Variants in DAB1 observed in about 807,000 individuals in gnomAD.
The protein encoded by DAB1 is DAB adaptor protein 1.
Under a neutral mutation model 64.6 loss-of-function variants are expected in DAB1, and 15 were observed. The ratio of observed to expected loss-of-function variants is 0.23; its 90% confidence interval spans 0.16 to 0.36. DAB1 has a LOEUF of 0.36. Among genes scored for constraint, DAB1 ranks in the 10% least tolerant of loss-of-function variants. DAB1 has a pLI of 1.00. For synonymous variants in DAB1, 235 were observed against 251.9 expected, an observed-to-expected ratio of 0.93 and a Z score of 0.64; for missense variants, 596 against 706.7, an observed-to-expected ratio of 0.84 and a Z score of 1.78.
At chr1:57,648,313 C>T (rs1414712731) in intron 7 of DAB1, among the ~76,000 whole-genome samples, 6 of 152,094 alleles carry the variant, frequency 3.9e-5, no homozygotes, top group Non-Finnish European at 8.8e-5. Context: ...CGAGTGTCCC[C>T]CGACCCCAAC....
At chr1:58,299,738 T>A (rs535504727) in intron 4 of DAB1, among the ~76,000 whole-genome samples, 1 of 152,174 alleles carries the variant, frequency 6.6e-6, no homozygotes, top group African/African-American at 2.4e-5. Context: ...AAGAGACGAA[T>A]GAGCAGAATT....
upstream of DAB1, among the ~76,000 whole-genome samples, chr1:57,888,745 CAGAT>C (rs1485148940): frequency 6.6e-6 from 1 of 152,138 alleles, no homozygotes; most frequent in African/African-American, 2.4e-5. Context: ...AGACTTAAAT[CAGAT>C]AGTGCACAAA....
At chr1:57,506,598 A>G (rs1371865593) in intron 7 of DAB1, among the ~76,000 whole-genome samples, 1 of 152,192 alleles carries the variant, frequency 6.6e-6, no homozygotes, top group Non-Finnish European at 1.5e-5. Context: ...GTGGCCTTGC[A>G]TTTGATCACA....
intron 1 of DAB1, among the ~76,000 whole-genome samples, chr1:57,883,679 C>T (rs1184050397): frequency 2.6e-5 from 4 of 152,228 alleles, no homozygotes; most frequent in African/African-American, 9.6e-5. Context: ...TTCTTTTTTC[C>T]CTTAAATTGG....
intron 7 of DAB1, among the ~76,000 whole-genome samples, chr1:57,562,480 C>T (rs965603123): frequency 2.0e-5 from 3 of 152,226 alleles, no homozygotes; most frequent in Non-Finnish European, 4.4e-5. Flanking sequence ...GTTGGATTGA[C>T]AGAATGGCAG....
At chr1:58,249,894 A>T (rs1570540172) in intron 4 of DAB1, among the ~76,000 whole-genome samples, 1 of 151,886 alleles carries the variant, frequency 6.6e-6, no homozygotes, top group African/African-American at 2.4e-5. Flanking sequence ...GCCACCCAAA[A>T]CTTTGCGCAC....
chr1:57,494,075 C>T (rs1296893351), intron 7 of DAB1, among the ~76,000 whole-genome samples: 6 of 152,068 alleles, frequency 3.9e-5, no homozygotes, highest in Admixed American at 2.6e-4. Flanking sequence ...TCTGTGAACT[C>T]TAAAGAACTA....
At chr1:57,136,212 C>T (rs997474202) in intron 4 of DAB1, among the ~76,000 whole-genome samples, 7 of 152,174 alleles carry the variant, frequency 4.6e-5, no homozygotes, top group South Asian at 4.1e-4. Flanking sequence ...CCCTCTAGGA[C>T]GTATGTCATT....
At chr1:58,109,389 T>A (rs1463449160) in intron 5 of DAB1, among the ~76,000 whole-genome samples, 1 of 152,116 alleles carries the variant, frequency 6.6e-6, no homozygotes. Flanking sequence ...CTTAAACAAG[T>A]AGCAGGATTT....
intron 5 of DAB1, chr1:58,060,344 C>T (rs2808822): frequency 0.72 from 110,232 of 152,054 alleles, 42,108 homozygotes; most frequent in Non-Finnish European, 0.85. Context: ...AGAATTGTGC[C>T]CAAGGTTTAT....
At chr1:58,516,392 C>G (rs1646158424) in intron 2 of DAB1, among the ~76,000 whole-genome samples, 1 of 152,198 alleles carries the variant, frequency 6.6e-6, no homozygotes, top group Admixed American at 6.5e-5. Context: ...AATGAATATT[C>G]ATACCCCAAA....
intron 4 of DAB1, among the ~76,000 whole-genome samples, chr1:58,157,159 C>T (rs1320481670): frequency 6.6e-6 from 1 of 152,116 alleles, no homozygotes; most frequent in Non-Finnish European, 1.5e-5. Context: ...AGGAAAAAGC[C>T]CCCTCTGGAA....
At chr1:58,429,825 T>C (rs1321785664) in intron 3 of DAB1, among the ~76,000 whole-genome samples, 4 of 126,592 alleles carry the variant, frequency 3.2e-5, no homozygotes, top group Non-Finnish European at 7.3e-5. Flanking sequence ...TTCATGCTGC[T>C]ATAACAAAAC....
chr1:58,395,173 G>A (rs1644509021), intron 3 of DAB1, among the ~76,000 whole-genome samples: 1 of 152,118 alleles, frequency 6.6e-6, no homozygotes, highest in Admixed American at 6.5e-5. Context: ...AGAAGAATGG[G>A]GAAGGTTTTG....
downstream of DAB1, among the ~76,000 whole-genome samples, chr1:57,824,202 T>C (rs191424696): frequency 1.3e-5 from 2 of 152,264 alleles, no homozygotes; most frequent in African/African-American, 4.8e-5. Flanking sequence ...AGCCAGTGAA[T>C]GGCCAAGCCA....
At chr1:58,263,220 A>G (rs1433758359) in intron 4 of DAB1, among the ~76,000 whole-genome samples, 2 of 152,210 alleles carry the variant, frequency 1.3e-5, no homozygotes, top group East Asian at 1.9e-4. Flanking sequence ...TGCTGTTTGG[A>G]TAAGAAATAT....
intron 4 of DAB1, among the ~76,000 whole-genome samples, chr1:57,126,319 T>C (rs1657122886): frequency 6.6e-6 from 1 of 152,176 alleles, no homozygotes; most frequent in Admixed American, 6.5e-5. Context: ...AGCGTTCTGT[T>C]GTAGGTAACA....
chr1:58,117,868 AT>A (rs967491980), intron 5 of DAB1, among the ~76,000 whole-genome samples: 5 of 148,612 alleles, frequency 3.4e-5, no homozygotes, highest in South Asian at 2.1e-4. Context: ...TTTTTTTAAT[AT>A]TTTTTTTCTG....
At chr1:57,051,109 G>A (rs775348549) in intron 9 of DAB1, among the ~76,000 whole-genome samples, 4 of 152,162 alleles carry the variant, frequency 2.6e-5, no homozygotes, top group Non-Finnish European at 5.9e-5. Flanking sequence ...AGAAATTCAG[G>A]ATTCTATCTC....
Sources: allele counts gnomAD v4.1 joint callset (sites outside exome capture counted in the v4.1 genomes callset), GRCh38; gene constraint gnomAD v4.1.1; transcripts MANE v1.5; gene names NCBI Gene and HGNC (gene_info 2026-07-23, HGNC 2026-07-21).